Variants in PDE1A observed in about 807,000 individuals in gnomAD.
PDE1A encodes phosphodiesterase 1A.
Under a neutral mutation model 61.7 loss-of-function variants are expected in PDE1A, and 35 were observed. The observed-to-expected ratio is 0.57, with a 90% CI of 0.43 to 0.75. The LOEUF (loss-of-function observed/expected upper bound fraction) is 0.75, where lower values mean the gene tolerates loss of function less well. PDE1A is among the 30% of genes least tolerant of loss of function. PDE1A has a pLI of 0.00. For synonymous variants in PDE1A, 232 were observed against 213.2 expected, an observed-to-expected ratio of 1.09 and a Z score of -0.77; for missense variants, 597 against 630.6, an observed-to-expected ratio of 0.95 and a Z score of 0.57.
At chr2:182,613,152 C>A in the PDE1A span, among the ~76,000 whole-genome samples, 2 of 152,154 alleles carry the variant, frequency 1.3e-5, no homozygotes, top group African/African-American at 4.8e-5. Flanking sequence ...AAATACCATG[C>A]ATGACACTAT....
the PDE1A span, among the ~76,000 whole-genome samples, chr2:182,689,995 C>T: frequency 1.1e-4 from 16 of 152,126 alleles, no homozygotes; most frequent in Admixed American, 9.2e-4. Context: ...AGTAGAATCT[C>T]GTAATAGACC....
intron 1 of PDE1A, among the ~76,000 whole-genome samples, chr2:182,359,688 A>T (rs2125156373): frequency 6.6e-6 from 1 of 152,250 alleles, no homozygotes; most frequent in East Asian, 1.9e-4. Context: ...TGCCATAGAA[A>T]CACTTTATGT....
chr2:182,165,224 C>G (rs1196306914), downstream of PDE1A, among the ~76,000 whole-genome samples: 1 of 152,128 alleles, frequency 6.6e-6, no homozygotes, highest in East Asian at 1.9e-4. Context: ...TAGTGACCCA[C>G]TAGCAAAATT....
At chr2:182,460,017 T>C (rs913434858) in intron 2 of PDE1A, among the ~76,000 whole-genome samples, 3 of 152,288 alleles carry the variant, frequency 2.0e-5, no homozygotes, top group East Asian at 3.9e-4. Flanking sequence ...CCAAGTCATC[T>C]TTTGTTCTTC....
the PDE1A span, among the ~76,000 whole-genome samples, chr2:182,698,528 A>T: frequency 6.6e-6 from 1 of 152,236 alleles, no homozygotes; most frequent in African/African-American, 2.4e-5. Flanking sequence ...ATTATTAAAC[A>T]TGCTTATAAA....
chr2:182,167,762 A>G (rs186444911), downstream of PDE1A: 8 of 351,858 alleles, frequency 2.3e-5, no homozygotes, highest in East Asian at 1.2e-3. Flanking sequence ...CACTCTCACT[A>G]TAATATAAAC....
At chr2:182,454,030 G>T (rs1685720303) in intron 2 of PDE1A, among the ~76,000 whole-genome samples, 1 of 151,908 alleles carries the variant, frequency 6.6e-6, no homozygotes, top group African/African-American at 2.4e-5. Flanking sequence ...CATTGTCTCA[G>T]CCCCAAATCT....
intron 13 of PDE1A, among the ~76,000 whole-genome samples, chr2:182,160,297 T>G (rs1049060549): frequency 6.6e-6 from 1 of 152,082 alleles, no homozygotes; most frequent in African/African-American, 2.4e-5. Context: ...TGAGGGCTGG[T>G]GAGGTACTGA....
intron 10 of PDE1A, among the ~76,000 whole-genome samples, chr2:182,193,885 G>A (rs898487649): frequency 1.5e-4 from 23 of 151,942 alleles, no homozygotes; most frequent in African/African-American, 5.3e-4. Context: ...GCAATTTTAG[G>A]GGTTATGTTT....
At position 182,261,994 on chromosome 2, in the gene PDE1A, AT is replaced by A. The variant is rs112387711; in HGVS notation, c.167+2306del. ...CATCTTGTGAACAATAAGAGCACAC[AT>A]AAAAATGAGGGAGCAAGGGAAAAAC... On this transcript the variant is annotated intron_variant, in intron 2 of 13. Transcript: ENST00000351439. 8.4e-3 allele frequency among the ~76,000 whole-genome samples: 1,274 copies of A among 152,330 alleles called. 14 individuals carry two copies. Among genetic ancestry groups the A allele is most frequent in the African/African-American group, 0.028 (1,177 of 41,576 alleles).
At chr2:182,344,175 TA>T (rs1369562181) in intron 1 of PDE1A, among the ~76,000 whole-genome samples, 1 of 152,142 alleles carries the variant, frequency 6.6e-6, no homozygotes, top group Non-Finnish European at 1.5e-5. Context: ...CCTGGCCTTT[TA>T]ATCAATATTT....
chr2:182,264,872 T>G (rs1692496216), intron 1 of PDE1A, among the ~76,000 whole-genome samples: 1 of 116,186 alleles, frequency 8.6e-6, no homozygotes, highest in Non-Finnish European at 1.7e-5. Flanking sequence ...ATGTGGTATA[T>G]ATATACATAT....
chr2:182,628,410 G>T, the PDE1A span, among the ~76,000 whole-genome samples: 13 of 152,220 alleles, frequency 8.5e-5, no homozygotes, highest in Non-Finnish European at 1.6e-4. Flanking sequence ...AGCAAGCCTA[G>T]TTTAACTAGA....
chr2:182,454,310 G>C (rs554748521), intron 2 of PDE1A, among the ~76,000 whole-genome samples: 4 of 152,218 alleles, frequency 2.6e-5, no homozygotes, highest in African/African-American at 9.6e-5. Flanking sequence ...TCATGGGTAG[G>C]AAGAATCAAT....
upstream of PDE1A, among the ~76,000 whole-genome samples, chr2:182,427,680 G>A (rs1401024135): frequency 6.6e-6 from 1 of 152,098 alleles, no homozygotes; most frequent in Non-Finnish European, 1.5e-5. Flanking sequence ...TTTTCTTTTA[G>A]AAGACAGATT....
the PDE1A span, among the ~76,000 whole-genome samples, chr2:182,547,437 A>G: frequency 6.6e-6 from 1 of 152,236 alleles, no homozygotes; most frequent in Non-Finnish European, 1.5e-5. Context: ...GATGATGAGC[A>G]TAAGATATTT....
the PDE1A span, among the ~76,000 whole-genome samples, chr2:182,656,046 G>T: frequency 6.6e-6 from 1 of 152,208 alleles, no homozygotes. Flanking sequence ...TTTTAAAGCA[G>T]TTAGCAAAGG....
At chr2:182,176,154 A>C (rs1692756477) in intron 13 of PDE1A, among the ~76,000 whole-genome samples, 1 of 148,326 alleles carries the variant, frequency 6.7e-6, no homozygotes, top group South Asian at 2.1e-4. Context: ...CTTAGGATTG[A>C]CTTGGCGATG....
At chr2:182,475,651 T>C (rs908136363) in intron 2 of PDE1A, among the ~76,000 whole-genome samples, 3 of 151,952 alleles carry the variant, frequency 2.0e-5, no homozygotes, top group African/African-American at 7.2e-5. Flanking sequence ...TCTTCCAACA[T>C]TAAGGACCAC....
Sources: allele counts gnomAD v4.1 joint callset (sites outside exome capture counted in the v4.1 genomes callset), GRCh38; gene constraint gnomAD v4.1.1; transcripts MANE v1.5; gene names NCBI Gene and HGNC (gene_info 2026-07-23, HGNC 2026-07-21).